BID: variants seen among roughly 807,000 people sequenced by gnomAD.
BID encodes BH3 interacting domain death agonist, also known as BH3-interacting domain death agonist.
Under a neutral mutation model 17.4 loss-of-function variants are expected in BID, and 19 were observed. The ratio of observed to expected loss-of-function variants is 1.09; its 90% CI spans 0.76 to 1.60. The LOEUF (loss-of-function observed/expected upper bound fraction) is 1.60. Among genes scored for constraint, BID ranks in the 40% most tolerant of loss-of-function variants. BID has a pLI of 0.00. For synonymous variants in BID, 108 were observed against 102.8 expected (o/e 1.05, Z -0.31); for missense variants, 226 against 256.0 (o/e 0.88, Z 0.80).
In BID at chr22:17,773,771, C is replaced by T. The variant is rs963627723; in HGVS notation, c.-59+610G>A. On this transcript the variant is annotated intron_variant, in intron 1 of 5. Coordinates refer to ENST00000622694, the MANE Select transcript of BID (RefSeq NM_001196.4). The surrounding 1 kb of genome is among the most constrained non-coding windows in gnomAD (Gnocchi z 4.4). Reference sequence around the variant, plus strand: ...GGGCTTCAGAGCTCTCCCAGGGTCCCCTGGGGTCATTCAGCCACTCAACAG... The same window carrying T: ...GGGCTTCAGAGCTCTCCCAGGGTCCTCTGGGGTCATTCAGCCACTCAACAG... The T allele has an allele frequency of 1.5e-6, 2 of 1,352,482 alleles. No homozygotes were observed. The highest frequency in any genetic ancestry group is 2.9e-5 in the African/African-American group (2 of 68,530). 83.8% of individuals were successfully genotyped at this position (1,352,482 alleles called of 1,614,324 possible). A position where few individuals can be genotyped will look rare whatever the true frequency, so the allele number is the denominator to read the frequency against.
chr22:17,752,437 C>T (rs1375669381), intron 1 of BID, among the ~76,000 whole-genome samples: 1 of 152,184 alleles, frequency 6.6e-6, no homozygotes, highest in Non-Finnish European at 1.5e-5. Flanking sequence ...ATACCACTAA[C>T]CCATACCAGT....
chr22:17,756,494 T>TTCTTTCTTTCTTTCTTTC (rs1454070298), intron 1 of BID, among the ~76,000 whole-genome samples: 6 of 136,896 alleles, frequency 4.4e-5, no homozygotes, highest in African/African-American at 1.7e-4. Flanking sequence ...CTTTCTTTCT[T>TTCTTTCTTTCTTTCTTTC]TCTCTCTCTC....
At chr22:17,765,209 T>C (rs2061669586) in intron 1 of BID, among the ~76,000 whole-genome samples, 2 of 152,034 alleles carry the variant, frequency 1.3e-5, no homozygotes, top group Admixed American at 1.3e-4. Flanking sequence ...CAGAGGACCC[T>C]GCGGTATTCT....
intron 1 of BID, among the ~76,000 whole-genome samples, chr22:17,753,731 T>C (rs2061558815): frequency 6.6e-6 from 1 of 152,176 alleles, no homozygotes; most frequent in African/African-American, 2.4e-5. Context: ...TCATGCCCTC[T>C]CTCTTCCAAG....
chr22:17,755,150 T>G (rs112502899), intron 1 of BID, among the ~76,000 whole-genome samples: 18 of 147,002 alleles, frequency 1.2e-4, no homozygotes, highest in Non-Finnish European at 2.2e-4. Flanking sequence ...GGTGGCACGA[T>G]CTCAGCTCAC....
At chr22:17,742,560 A>AGGCC (rs1158415968) in intron 3 of BID, among the ~76,000 whole-genome samples, 1 of 132,578 alleles carries the variant, frequency 7.5e-6, no homozygotes, top group African/African-American at 2.8e-5. Context: ...GGCGGGAGGC[A>AGGCC]GAAGGCTGGG....
At chr22:17,766,085 C>T (rs555340289) in intron 1 of BID, among the ~76,000 whole-genome samples, 3 of 152,136 alleles carry the variant, frequency 2.0e-5, no homozygotes, top group South Asian at 2.1e-4. Context: ...CCACCATGCC[C>T]GGCTAATCTT....
At chr22:17,750,685 G>C (rs2061531686) in intron 1 of BID, among the ~76,000 whole-genome samples, 1 of 152,040 alleles carries the variant, frequency 6.6e-6, no homozygotes, top group Non-Finnish European at 1.5e-5. Context: ...AAAATTAGCC[G>C]GGCGTGGTGG....
At chr22:17,768,409 T>C (rs1392765258) in intron 1 of BID, among the ~76,000 whole-genome samples, 4 of 152,192 alleles carry the variant, frequency 2.6e-5, no homozygotes, top group Non-Finnish European at 4.4e-5. Flanking sequence ...CTCCAGGTCT[T>C]TGTGACCCGG....
intron 1 of BID, among the ~76,000 whole-genome samples, chr22:17,757,738 C>A (rs2061604796): frequency 6.6e-6 from 1 of 151,426 alleles, no homozygotes; most frequent in South Asian, 2.1e-4. Context: ...AAAAAGAAAG[C>A]AATTCCAGCA....
At chr22:17,736,254 A>AGTT (rs753232253) in intron 5 of BID, among the ~76,000 whole-genome samples, 8 of 152,064 alleles carry the variant, frequency 5.3e-5, no homozygotes, top group Non-Finnish European at 1.2e-4. Flanking sequence ...TGAGGTTGGG[A>AGTT]GTTCGAGACC....
chr22:17,768,247 T>A (rs1281151760), intron 1 of BID, among the ~76,000 whole-genome samples: 1 of 152,230 alleles, frequency 6.6e-6, no homozygotes, highest in Non-Finnish European at 1.5e-5. Context: ...GTGAATTTTA[T>A]GGCATGTGCA....
At chr22:17,750,470 A>C (rs1281412852) in intron 1 of BID, among the ~76,000 whole-genome samples, 1 of 152,234 alleles carries the variant, frequency 6.6e-6, no homozygotes, top group Non-Finnish European at 1.5e-5. Flanking sequence ...GGGCTCACAA[A>C]TTATTTTATT....
chr22:17,755,082 C>CTTTTTTTTTT (rs59654004), intron 1 of BID, among the ~76,000 whole-genome samples: 5 of 99,266 alleles, frequency 5.0e-5, no homozygotes, highest in Admixed American at 1.2e-4. Flanking sequence ...TTTTTCTTTT[C>CTTTTTTTTTT]TTTTTTTTTT....
Position 17,738,232 on chromosome 22 carries a change from G to T in BID, c.364-3C>A. The T allele has an allele frequency of 6.2e-7, 1 of 1,607,838 alleles. No homozygotes were observed. Among genetic ancestry groups the T allele is most frequent in the South Asian group, 1.1e-5 (1 of 90,984 alleles). ...GTGGCCAGGTCCCTGTTCCGGTCCTGCACAGAGGGGCACACAGAACCTGGT... is the reference window on the plus strand; with the variant it reads ...GTGGCCAGGTCCCTGTTCCGGTCCTTCACAGAGGGGCACACAGAACCTGGT... On this transcript the variant is annotated splice_polypyrimidine_tract_variant and splice_region_variant and intron_variant, in intron 4 of 5. Transcript: ENST00000622694.
At chr22:17,770,960 G>GTATC (rs1169721541) in intron 1 of BID, among the ~76,000 whole-genome samples, 1 of 152,158 alleles carries the variant, frequency 6.6e-6, no homozygotes, top group East Asian at 1.9e-4. Context: ...CAGAAGACAG[G>GTATC]TATCTCCTCC....
In BID at chr22:17,744,005, G is replaced by A. The variant is rs8190314; in HGVS notation, c.21C>T (p.Asn7=). 8.2e-4 allele frequency: 1,327 copies of A among 1,613,514 alleles called. 26 individuals are homozygous for A. In the East Asian group the frequency reaches 0.026, roughly 32 times the overall value. The part of the protein sequence containing the change: MDCEVN[N]GSSLRDECIT... ...TGCACTCATCCCTGAGGCTGGAACC[G>A]TTGTTGACCTGAGGGGAAAGGGGAG... Residue 7 remains asparagine (N), a synonymous_variant, in exon 3 of 6, where the codon AAC becomes AAT. Coordinates refer to ENST00000622694, the MANE Select transcript of BID (RefSeq NM_001196.4).
intron 1 of BID, among the ~76,000 whole-genome samples, chr22:17,760,764 G>A (rs1449816349): frequency 6.6e-6 from 1 of 152,170 alleles, no homozygotes; most frequent in Non-Finnish European, 1.5e-5. Flanking sequence ...ATTAGTCACT[G>A]GTGAAAGCAC....
chr22:17,766,029 G>T (rs2061675733), intron 1 of BID, among the ~76,000 whole-genome samples: 1 of 152,082 alleles, frequency 6.6e-6, no homozygotes, highest in South Asian at 2.1e-4. Flanking sequence ...CCCGGGCTCA[G>T]GCGATCCTCC....
Sources: allele counts gnomAD v4.1 joint callset (sites outside exome capture counted in the v4.1 genomes callset), GRCh38; gene constraint gnomAD v4.1.1; non-coding constraint Gnocchi (gnomAD v3.1); transcripts MANE v1.5; gene names NCBI Gene and HGNC (gene_info 2026-07-23, HGNC 2026-07-21).